Variants in HECTD4 observed in about 807,000 individuals in gnomAD.
HECTD4 encodes HECT domain E3 ubiquitin protein ligase 4.
A neutral mutation model predicts 471.5 loss-of-function variants in HECTD4; 114 were observed. The ratio of observed to expected loss-of-function variants is 0.24; its 90% confidence interval spans 0.21 to 0.28. The LOEUF is 0.28. Among genes scored for constraint, HECTD4 ranks in the 10% least tolerant of loss-of-function variants. HECTD4 has a pLI of 1.00. For synonymous variants in HECTD4, 2,012 were observed against 2,256.0 expected (o/e 0.89, Z 3.07); for missense variants, 3,866 against 5,651.5 (o/e 0.68, Z 10.13).
Position 112,172,879 on chromosome 12 carries a change from G to C in HECTD4, c.11595-18C>G. On this transcript the variant is annotated intron_variant, in intron 66 of 75. Coordinates refer to ENST00000682272, the MANE Select transcript of HECTD4 (RefSeq NM_001388303.1). ...ATGCGCACCTTGGGGTGGGGACAGG[G>C]GGAGAGGGGCAAAGTGAGGCAGGGC... is the stretch of plus-strand genomic sequence containing the variant. The C allele has an allele frequency of 6.2e-7, 1 of 1,611,384 alleles. No individual in the cohort carries two copies. The highest frequency in any genetic ancestry group is 8.5e-7 in the Non-Finnish European group (1 of 1,177,788).
rs942499986 is a variant in HECTD4 at position 112,164,563 on chromosome 12, C to T, written c.12535-288G>A. Among the ~76,000 whole-genome samples, 14 of 152,146 alleles carry T rather than the reference C, an allele frequency of 9.2e-5. 1 individual carries two copies. Among genetic ancestry groups the T allele is most frequent in the African/African-American group, 3.4e-4 (14 of 41,424 alleles). On this transcript the variant is annotated intron_variant, in intron 72 of 75. Transcript: ENST00000682272. The stretch of plus-strand genomic sequence containing the variant: ...ACCGACTATGATGGGAAACCCTTTA[C>T]CACTGGAGGCCACCTCTGCCCGTGC...
chr12:112,296,885 T>C (rs1199423475), intron 7 of HECTD4, among the ~76,000 whole-genome samples: 2 of 145,284 alleles, frequency 1.4e-5, no homozygotes, highest in Non-Finnish European at 3.0e-5. Context: ...AAGGTGGAGG[T>C]GCAGTGGATG....
At chr12:112,234,696 C>T (rs2033460038) in intron 37 of HECTD4, among the ~76,000 whole-genome samples, 1 of 152,088 alleles carries the variant, frequency 6.6e-6, no homozygotes, top group South Asian at 2.1e-4. Flanking sequence ...TGGAGTTTAC[C>T]TAAATTTACC....
intron 22 of HECTD4, among the ~76,000 whole-genome samples, 152 bp downstream of exon 22, chr12:112,253,888 TAGA>T (rs570975257): frequency 1.0e-3 from 156 of 152,328 alleles, no homozygotes; most frequent in African/African-American, 3.5e-3. Context: ...TCATTCTGAA[TAGA>T]AGGAGTGAGC....
intron 6 of HECTD4, among the ~76,000 whole-genome samples, chr12:112,307,180 AG>A (rs1390303278): frequency 6.6e-6 from 1 of 152,204 alleles, no homozygotes; most frequent in African/African-American, 2.4e-5. Context: ...TTACTTTGGG[AG>A]GGGGCACTAG....
At chr12:112,200,911 G>A (rs369514242) in intron 54 of HECTD4, 113 bp from the exon 55 acceptor site, 10 of 740,808 alleles carry the variant, frequency 1.3e-5, no homozygotes, top group African/African-American at 1.8e-5. Context: ...GTGTGTGTGT[G>A]TATTTTCAGT....
At position 112,193,729 on chromosome 12, in the gene HECTD4, G is replaced by C; in HGVS notation, c.8750-55C>G. The C allele has an allele frequency of 6.7e-7, 1 of 1,487,002 alleles. No homozygotes were observed. Among genetic ancestry groups the C allele is most frequent in the Non-Finnish European group, 9.2e-7 (1 of 1,084,208 alleles). 92.1% of individuals were successfully genotyped at this position (1,487,002 alleles called of 1,614,324 possible). ...AAGAATCAAAGCAGCCAGTAGCTGT[G>C]AGAGTCTAAGTAACAGAAAATGAAT... is the stretch of plus-strand genomic sequence containing the variant. On this transcript the variant is annotated intron_variant, in intron 56 of 75. Coordinates refer to ENST00000682272, the MANE Select transcript of HECTD4 (RefSeq NM_001388303.1). The surrounding 1 kb of genome is among the most constrained non-coding windows in gnomAD (Gnocchi z 5.2).
Position 112,183,233 on chromosome 12 carries a change from C to T in HECTD4, c.10813G>A (p.Ala3605Thr), listed in dbSNP as rs1187507140. 3.7e-6 allele frequency: 6 copies of T among 1,613,844 alleles called. No individual in the cohort carries two copies. The East Asian group carries it at 1.1e-4, about 30-fold the overall frequency. ...RSRAKIEKIR[A>T]SLFNNNDLIG... ...AAGTCATTATTGTTAAATAAACTTG[C>T]TCGAATTTTCTCAATTTTGGCTCGG... The change falls in exon 62 of 76, where the codon GCA becomes ACA. Residue 3605 changes from alanine (A) to threonine (T), a missense_variant. Transcript: ENST00000682272.
chr12:112,203,406 C>A, intron 54 of HECTD4: 1 of 417,518 alleles, frequency 2.4e-6, no homozygotes, highest in Non-Finnish European at 4.3e-6. Flanking sequence ...CTGAAGGCGG[C>A]CACAGCTTTG....
chr12:112,267,562 TC>T (rs781076129), intron 13 of HECTD4, among the ~76,000 whole-genome samples: 25 of 152,128 alleles, frequency 1.6e-4, no homozygotes, highest in South Asian at 4.2e-4. Context: ...GGCATCCCTC[TC>T]CTCCTCTTCC....
intron 44 of HECTD4, among the ~76,000 whole-genome samples, chr12:112,224,870 T>A (rs2033191937): frequency 6.6e-6 from 1 of 152,148 alleles, no homozygotes; most frequent in African/African-American, 2.4e-5. Flanking sequence ...AACAGTCCCA[T>A]AGAAAAGCAA....
intron 1 of HECTD4, among the ~76,000 whole-genome samples, chr12:112,350,798 A>G (rs2036236499): frequency 6.6e-6 from 1 of 152,224 alleles, no homozygotes; most frequent in Non-Finnish European, 1.5e-5. Flanking sequence ...TGGTGCCAGT[A>G]CTTTTGGCCA....
intron 62 of HECTD4, among the ~76,000 whole-genome samples, chr12:112,180,812 G>A (rs1308839343): frequency 6.6e-6 from 1 of 152,202 alleles, no homozygotes; most frequent in Non-Finnish European, 1.5e-5. Context: ...GCACGCCAAT[G>A]TGGGACAAGG....
At chr12:112,369,271 C>T (rs1216225725) in intron 1 of HECTD4, among the ~76,000 whole-genome samples, 1 of 152,006 alleles carries the variant, frequency 6.6e-6, no homozygotes, top group Non-Finnish European at 1.5e-5. Context: ...TTTCTAGGTA[C>T]CCAATTACAT....
chr12:112,343,933 T>C (rs1225127778), intron 1 of HECTD4, among the ~76,000 whole-genome samples: 2 of 152,208 alleles, frequency 1.3e-5, no homozygotes, highest in Non-Finnish European at 2.9e-5. Context: ...AAAATATGCA[T>C]ATAACAACAT....
chr12:112,207,206 C>G (rs1272996466), intron 52 of HECTD4, among the ~76,000 whole-genome samples: 2 of 152,152 alleles, frequency 1.3e-5, no homozygotes, highest in Non-Finnish European at 2.9e-5. Flanking sequence ...TGCAGTGGCA[C>G]AATCTCGGCT....
chr12:112,229,024 A>G lies in HECTD4; in HGVS notation c.6520-213T>C, dbSNP rs1355030840. Among the ~76,000 whole-genome samples the G allele has an allele frequency of 3.9e-5, 6 of 152,276 alleles. 1 individual carries two copies. The South Asian group carries it at 1.0e-3, about 26-fold the overall frequency. On this transcript the variant is annotated intron_variant, in intron 41 of 75. Transcript: ENST00000682272. Reference sequence around the variant, plus strand: ...GTGATCACAACATGCTGTCATCTCAAATAGAAACTCGTTACTGCTAGGCCA... The same window carrying G: ...GTGATCACAACATGCTGTCATCTCAGATAGAAACTCGTTACTGCTAGGCCA...
intron 64 of HECTD4, 140 bp downstream of exon 64, chr12:112,178,791 C>T: frequency 2.0e-6 from 2 of 1,012,442 alleles, no homozygotes; most frequent in Non-Finnish European, 2.8e-6. Context: ...CGCTGCACTC[C>T]AGCCTGGGCG....
rs1005902 is a variant in HECTD4 at position 112,229,871 on chromosome 12, T to G, written c.6346A>C (p.Arg2116=). The change falls in exon 41 of 76, where the codon AGA becomes CGA. Residue 2116 remains arginine (R), a synonymous_variant. Transcript: ENST00000682272. ...AATTGTGGAATGTACATCAGTGCTC[T>G]AGACAGAACCTAAATATAGAAGCAG... ...WTTTAEKVLS[R]ALMYIPQLGK... is the part of the protein sequence containing the mutation. 0.34 allele frequency: 555,981 copies of G among 1,612,142 alleles called. 117,586 individuals carry two copies. Among genetic ancestry groups the G allele is most frequent in the East Asian group, 0.9 (40,535 of 44,844 alleles).
Sources: allele counts gnomAD v4.1 joint callset (sites outside exome capture counted in the v4.1 genomes callset), GRCh38; gene constraint gnomAD v4.1.1; non-coding constraint Gnocchi (gnomAD v3.1); transcripts MANE v1.5; gene names NCBI Gene and HGNC (gene_info 2026-07-23, HGNC 2026-07-21).